The following BMPER variants were observed in gnomAD, a reference collection of about 807,000 sequenced individuals.
BMPER encodes BMP-binding endothelial regulator protein.
A neutral mutation model predicts 87.3 loss-of-function variants in BMPER; 45 were observed. The ratio of observed to expected loss-of-function variants is 0.52; its 90% CI spans 0.41 to 0.66. The LOEUF is 0.66. BMPER is among the 30% of genes least tolerant of loss of function. BMPER has a pLI of 0.00. For missense variants in BMPER, 784 were observed against 867.5 expected (o/e 0.90, Z 1.21); for synonymous variants, 326 against 316.2 (o/e 1.03, Z -0.33).
chr7:33,913,762 G>A (rs1232988728), intron 2 of BMPER, among the ~76,000 whole-genome samples: 3 of 152,192 alleles, frequency 2.0e-5, no homozygotes, highest in Non-Finnish European at 4.4e-5. Flanking sequence ...GTCACTTGGT[G>A]TCTCCAGAGC....
At chr7:34,025,506 A>C (rs1185226311) in intron 6 of BMPER, among the ~76,000 whole-genome samples, 1 of 152,052 alleles carries the variant, frequency 6.6e-6, no homozygotes. Context: ...CAGCAAGGCA[A>C]GTGTCAGATC....
intron 6 of BMPER, among the ~76,000 whole-genome samples, chr7:33,997,795 C>A (rs1021108952): frequency 3.9e-5 from 6 of 152,152 alleles, no homozygotes; most frequent in Non-Finnish European, 8.8e-5. Context: ...CCCCAGATGC[C>A]CACATATCTG....
chr7:33,911,802 G>A (rs944837812), intron 2 of BMPER, among the ~76,000 whole-genome samples: 2 of 152,130 alleles, frequency 1.3e-5, no homozygotes, highest in Non-Finnish European at 2.9e-5. Context: ...TTGGCATAGA[G>A]TAAACACTCT....
At chr7:33,948,680 G>A (rs530189418) in intron 3 of BMPER, among the ~76,000 whole-genome samples, 2 of 152,168 alleles carry the variant, frequency 1.3e-5, no homozygotes, top group Non-Finnish European at 2.9e-5. Context: ...TGCTGGCCAT[G>A]TGAAGATGGT....
At chr7:34,039,009 C>T (rs1787761646) in intron 6 of BMPER, among the ~76,000 whole-genome samples, 2 of 152,184 alleles carry the variant, frequency 1.3e-5, no homozygotes, top group African/African-American at 2.4e-5. Flanking sequence ...CTGTCTCCAC[C>T]CGCACTGTTT....
intron 7 of BMPER, among the ~76,000 whole-genome samples, chr7:34,049,051 T>A (rs1186908852): frequency 6.6e-6 from 1 of 152,184 alleles, no homozygotes; most frequent in Non-Finnish European, 1.5e-5. Flanking sequence ...GGGTGCTGTT[T>A]TGCTCTTAAA....
At chr7:34,100,093 A>G (rs756233570) in intron 13 of BMPER, among the ~76,000 whole-genome samples, 23 of 152,142 alleles carry the variant, frequency 1.5e-4, no homozygotes, top group Middle Eastern at 3.4e-3. Flanking sequence ...ATATTTTTTG[A>G]GCCCTATTAA....
rs187084151 is a variant in BMPER, at chr7:34,149,683, G to C, written c.1877-3409G>C. On this transcript the variant is annotated intron_variant, in intron 14 of 14. Transcript: ENST00000649409. ...CCAGGAGTCAGCAGAAGAACCAGGA[G>C]AGTTCACTGTCATAAGATAAAATGG... Among the ~76,000 whole-genome samples the C allele has an allele frequency of 1.1e-4, 17 of 152,238 alleles. No individual in the cohort carries two copies. The East Asian group carries it at 2.9e-3, about 26-fold the overall frequency.
intron 5 of BMPER, among the ~76,000 whole-genome samples, chr7:33,972,338 C>T (rs1246392689): frequency 1.3e-5 from 2 of 152,188 alleles, no homozygotes; most frequent in Non-Finnish European, 2.9e-5. Flanking sequence ...ATTCTCCTCA[C>T]TTAGGAGATA....
At chr7:33,995,068 T>A (rs1161951917) in intron 6 of BMPER, among the ~76,000 whole-genome samples, 1 of 152,192 alleles carries the variant, frequency 6.6e-6, no homozygotes, top group African/African-American at 2.4e-5. Context: ...TTACTCTTTT[T>A]TGGGATATGG....
chr7:34,065,197 A>ACTCTCTCTCTCT (rs1562720393), intron 11 of BMPER, among the ~76,000 whole-genome samples: 2 of 129,238 alleles, frequency 1.5e-5, no homozygotes, highest in African/African-American at 6.2e-5. Context: ...ACACACATAC[A>ACTCTCTCTCTCT]CACTCACTCT....
At chr7:33,955,952 T>C (rs1162746574) in intron 3 of BMPER, among the ~76,000 whole-genome samples, 1 of 151,792 alleles carries the variant, frequency 6.6e-6, no homozygotes, top group Non-Finnish European at 1.5e-5. Flanking sequence ...GCCAAAACAA[T>C]GTGATGGAAG....
chr7:34,078,232 T>C (rs956766749), intron 11 of BMPER, among the ~76,000 whole-genome samples: 3 of 152,282 alleles, frequency 2.0e-5, no homozygotes, highest in Middle Eastern at 3.4e-3. Flanking sequence ...GGTCCTTAGA[T>C]CAAAACATAG....
chr7:34,149,204 A>T (rs1207367951), intron 14 of BMPER, among the ~76,000 whole-genome samples: 1 of 152,218 alleles, frequency 6.6e-6, no homozygotes, highest in Non-Finnish European at 1.5e-5. Context: ...ACAGCTGCAC[A>T]GGCACGACTG....
chr7:33,937,961 A>C (rs1784650126), intron 3 of BMPER, among the ~76,000 whole-genome samples: 1 of 151,832 alleles, frequency 6.6e-6, no homozygotes, highest in Admixed American at 6.6e-5. Flanking sequence ...TGCTGTTCCT[A>C]GTCTCACCTC....
chr7:34,094,571 G>T (rs1410698435), intron 13 of BMPER, among the ~76,000 whole-genome samples: 1 of 152,222 alleles, frequency 6.6e-6, no homozygotes, highest in Non-Finnish European at 1.5e-5. Context: ...AAGTACAATG[G>T]TACGAATGAG....
chr7:34,066,473 A>T (rs1302768426), intron 11 of BMPER, among the ~76,000 whole-genome samples: 1 of 152,230 alleles, frequency 6.6e-6, no homozygotes, highest in Non-Finnish European at 1.5e-5. Flanking sequence ...AAATATTTGA[A>T]GTGGGCTACA....
chr7:33,950,523 C>A (rs992898325), intron 3 of BMPER, among the ~76,000 whole-genome samples: 1 of 152,146 alleles, frequency 6.6e-6, no homozygotes, highest in Admixed American at 6.5e-5. Flanking sequence ...AGGCTCAGGG[C>A]CCTCTTCTAA....
At chr7:34,067,473 G>A (rs1286784935) in intron 11 of BMPER, among the ~76,000 whole-genome samples, 2 of 152,186 alleles carry the variant, frequency 1.3e-5, no homozygotes, top group East Asian at 1.9e-4. Flanking sequence ...GCAAATTAGT[G>A]ATTCTGTGTT....
Sources: gnomAD v4.1 joint callset for allele counts (sites outside exome capture counted in the v4.1 genomes callset) on GRCh38, gnomAD v4.1.1 for gene constraint, MANE v1.5 for transcripts, NCBI Gene and HGNC (gene_info 2026-07-23, HGNC 2026-07-21) for gene names.